NELL1: variants seen among roughly 807,000 people sequenced by gnomAD.
NELL1 encodes neural EGFL like 1, also known as protein kinase C-binding protein NELL1.
Under a neutral mutation model 107.4 loss-of-function variants are expected in NELL1, and 76 were observed. The observed-to-expected ratio is 0.71, with a 90% CI of 0.59 to 0.86. The LOEUF is 0.86. Ranked by LOEUF, NELL1 falls within the 40% of genes least tolerant of loss-of-function variation. NELL1 has a pLI of 0.00. For missense variants in NELL1, 1,024 were observed against 1,005.5 expected (o/e 1.02, Z -0.25); for synonymous variants, 353 against 341.2 (o/e 1.03, Z -0.38).
At chr11:21,535,367 G>C (rs1856108104) in intron 16 of NELL1, among the ~76,000 whole-genome samples, 1 of 152,112 alleles carries the variant, frequency 6.6e-6, no homozygotes, top group Non-Finnish European at 1.5e-5. Flanking sequence ...CCAAAGTTTA[G>C]CTTGCTGAAT....
At chr11:21,000,944 C>T (rs1852205148) in intron 12 of NELL1, 1 of 152,126 alleles carries the variant, frequency 6.6e-6, no homozygotes. Flanking sequence ...CCTGACCCTG[C>T]TTAGCTTCCA....
chr11:21,520,773 C>T (rs187883707), intron 15 of NELL1, among the ~76,000 whole-genome samples: 130 of 152,306 alleles, frequency 8.5e-4, no homozygotes, highest in African/African-American at 3.1e-3. Context: ...TGCTCCTTAC[C>T]TCATGCTGAC....
chr11:20,940,267 CTT>C (rs59910757), intron 10 of NELL1, among the ~76,000 whole-genome samples: 24 of 148,328 alleles, frequency 1.6e-4, no homozygotes, highest in South Asian at 2.1e-4. Flanking sequence ...CCTTGGGCTT[CTT>C]TTTTTTTTTA....
At chr11:21,570,504 AC>A (rs1422694866) in intron 17 of NELL1, among the ~76,000 whole-genome samples, 1 of 151,868 alleles carries the variant, frequency 6.6e-6, no homozygotes, top group Non-Finnish European at 1.5e-5. Flanking sequence ...ATTTTTAAGA[AC>A]CCCTTTGAAA....
chr11:20,724,133 T>A (rs960341503), intron 2 of NELL1, among the ~76,000 whole-genome samples: 2 of 152,178 alleles, frequency 1.3e-5, no homozygotes, highest in Admixed American at 1.3e-4. Context: ...TTTTCCCTCC[T>A]AGGCCTTGGG....
chr11:21,146,813 T>TG (rs5790166), intron 13 of NELL1, among the ~76,000 whole-genome samples: 68,842 of 151,570 alleles, frequency 0.45, 15,813 homozygotes, highest in Non-Finnish European at 0.51. Flanking sequence ...CAGGCCAAGG[T>TG]GGGGGGGATC....
At position 21,075,971 on chromosome 11, in the gene NELL1, A is replaced by G. The variant is rs183998984; in HGVS notation, c.1301-37618A>G. 1.8e-4 allele frequency among the ~76,000 whole-genome samples: 27 copies of G among 152,344 alleles called. No homozygotes were observed. The East Asian group carries it at 5.2e-3, about 29-fold the overall frequency. On this transcript the variant is annotated intron_variant, in intron 12 of 19. Transcript: ENST00000357134. ...AACCTCTAACTATGAATCTCTTGGAATTTTATTGATTCTGAGCAAATTTTT... is the reference window on the plus strand; with the variant it reads ...AACCTCTAACTATGAATCTCTTGGAGTTTTATTGATTCTGAGCAAATTTTT...
intron 3 of NELL1, among the ~76,000 whole-genome samples, chr11:20,838,373 ATTAGGTGAAAACT>A (rs1315376511): frequency 6.7e-6 from 1 of 150,324 alleles, no homozygotes; most frequent in African/African-American, 2.5e-5. Flanking sequence ...TAAAAAGGGT[ATTAGGTGAAAACT>A]AAGAAAATCT....
chr11:20,944,348 A>G (rs78682981), intron 10 of NELL1, among the ~76,000 whole-genome samples: 2 of 152,180 alleles, frequency 1.3e-5, no homozygotes, highest in African/African-American at 2.4e-5. Flanking sequence ...AAAAAAATCA[A>G]CATGAATAAA....
intron 3 of NELL1, among the ~76,000 whole-genome samples, chr11:20,843,891 G>A (rs145238393): frequency 6.6e-5 from 10 of 152,164 alleles, no homozygotes; most frequent in South Asian, 4.1e-4. Flanking sequence ...ATACCCAAGG[G>A]TGGACCTTTG....
chr11:20,705,681 A>C (rs949190731), intron 2 of NELL1, among the ~76,000 whole-genome samples: 6 of 145,098 alleles, frequency 4.1e-5, no homozygotes, highest in African/African-American at 1.6e-4. Flanking sequence ...TAATTAAACT[A>C]AAGAGCTTCT....
intron 12 of NELL1, among the ~76,000 whole-genome samples, chr11:21,010,392 C>T (rs974470296): frequency 1.3e-5 from 2 of 152,072 alleles, no homozygotes; most frequent in African/African-American, 4.8e-5. Context: ...GTCTCCTTCT[C>T]TTTCCAAGTT....
chr11:21,520,110 G>A (rs913819138), intron 15 of NELL1, among the ~76,000 whole-genome samples: 1 of 152,118 alleles, frequency 6.6e-6, no homozygotes, highest in Admixed American at 6.5e-5. Flanking sequence ...TGTCAAAGTA[G>A]CATGATTTCT....
chr11:21,393,101 A>T (rs1026228471), intron 15 of NELL1, among the ~76,000 whole-genome samples: 3 of 151,692 alleles, frequency 2.0e-5, no homozygotes, highest in Non-Finnish European at 4.4e-5. Flanking sequence ...GACCAATGGA[A>T]TGTAAATAAG....
intron 15 of NELL1, among the ~76,000 whole-genome samples, chr11:21,520,419 T>C (rs1022551262): frequency 1.4e-4 from 21 of 152,162 alleles, no homozygotes; most frequent in African/African-American, 5.1e-4. Context: ...GTGCCAGTAC[T>C]ATTGATAAGA....
At chr11:21,164,827 T>G (rs1856446539) in intron 13 of NELL1, among the ~76,000 whole-genome samples, 1 of 152,172 alleles carries the variant, frequency 6.6e-6, no homozygotes, top group Admixed American at 6.5e-5. Flanking sequence ...TCATGGGAGA[T>G]GTAGTAATTA....
chr11:21,050,052 A>G (rs4922737), intron 12 of NELL1, among the ~76,000 whole-genome samples: 58,447 of 151,986 alleles, frequency 0.38, 14,190 homozygotes, highest in African/African-American at 0.68. Context: ...AGATGTAGAC[A>G]TCAATCACTG....
intron 15 of NELL1, among the ~76,000 whole-genome samples, chr11:21,410,596 T>G (rs147933156): frequency 2.0e-3 from 304 of 152,186 alleles, no homozygotes; most frequent in African/African-American, 6.7e-3. Flanking sequence ...AAATGTGATT[T>G]GTTATATGTG....
chr11:21,281,176 G>C (rs963399520), intron 14 of NELL1, among the ~76,000 whole-genome samples: 1 of 151,762 alleles, frequency 6.6e-6, no homozygotes, highest in Admixed American at 6.6e-5. Context: ...CCATGCCCCA[G>C]CTCCTGAACA....
Sources: allele counts gnomAD v4.1 joint callset (sites outside exome capture counted in the v4.1 genomes callset), GRCh38; gene constraint gnomAD v4.1.1; transcripts MANE v1.5; gene names NCBI Gene and HGNC (gene_info 2026-07-23, HGNC 2026-07-21).